The following DMGDH variants were observed in gnomAD, a reference collection of about 807,000 sequenced individuals.
DMGDH encodes dimethylglycine dehydrogenase.
DMGDH carries 76 observed loss-of-function variants against 95.2 expected under a neutral mutation model. The ratio of observed to expected loss-of-function variants is 0.80; its 90% CI spans 0.66 to 0.97. The LOEUF (loss-of-function observed/expected upper bound fraction) is 0.97, where lower values mean the gene tolerates loss of function less well. DMGDH is among the 50% of genes least tolerant of loss of function. DMGDH has a pLI of 0.00. For synonymous variants in DMGDH, 345 were observed against 377.6 expected, an observed-to-expected ratio of 0.91 and a Z score of 1.00; for missense variants, 987 against 1,055.0, an observed-to-expected ratio of 0.94 and a Z score of 0.89.
intron 15 of DMGDH, among the ~76,000 whole-genome samples, chr5:79,002,329 G>A (rs923230940): frequency 6.6e-6 from 1 of 152,052 alleles, no homozygotes; most frequent in Admixed American, 6.6e-5. Flanking sequence ...TAATAACTGA[G>A]CCACCGAATA....
chr5:79,002,831 T>C (rs1172441519), intron 15 of DMGDH, among the ~76,000 whole-genome samples: 2 of 152,190 alleles, frequency 1.3e-5, no homozygotes, highest in African/African-American at 4.8e-5. Context: ...AGACTATCTG[T>C]ATGTAAAATG....
chr5:79,058,070 A>T (rs1432585544), intron 2 of DMGDH, among the ~76,000 whole-genome samples: 3 of 152,214 alleles, frequency 2.0e-5, no homozygotes, highest in Admixed American at 1.3e-4. Context: ...GTAACAAATT[A>T]TTTTAGAAAT....
chr5:79,035,764 T>C (rs1489856228), intron 7 of DMGDH, among the ~76,000 whole-genome samples: 3 of 152,122 alleles, frequency 2.0e-5, no homozygotes, highest in African/African-American at 7.2e-5. Context: ...CTGAATCAAA[T>C]CTAATTTATT....
At chr5:79,046,441 G>A (rs1754677363) in intron 5 of DMGDH, among the ~76,000 whole-genome samples, 1 of 152,004 alleles carries the variant, frequency 6.6e-6, no homozygotes, top group Non-Finnish European at 1.5e-5. Flanking sequence ...GTAATGGAGT[G>A]TAGTGGCGCA....
intron 14 of DMGDH, among the ~76,000 whole-genome samples, chr5:79,017,013 C>T (rs1342147315): frequency 6.6e-6 from 1 of 152,008 alleles, no homozygotes; most frequent in African/African-American, 2.4e-5. Context: ...AAACTTCAGT[C>T]CATACCTCAT....
chr5:79,034,761 TAA>T (rs919796529), intron 7 of DMGDH, among the ~76,000 whole-genome samples: 19 of 152,182 alleles, frequency 1.2e-4, no homozygotes, highest in Non-Finnish European at 2.2e-4. Context: ...CTACATTTTA[TAA>T]AAGACTTTCT....
At chr5:79,007,973 C>T (rs1753579978) in intron 14 of DMGDH, among the ~76,000 whole-genome samples, 1 of 152,024 alleles carries the variant, frequency 6.6e-6, no homozygotes, top group African/African-American at 2.4e-5. Flanking sequence ...AATGTTTTTC[C>T]TCAATGTTTT....
intron 14 of DMGDH, among the ~76,000 whole-genome samples, chr5:79,007,523 C>T (rs565242371): frequency 2.6e-4 from 40 of 152,074 alleles, no homozygotes; most frequent in Non-Finnish European, 5.1e-4. Context: ...AAAAAGGAGA[C>T]TTGCAATCAT....
chr5:79,030,480 G>T, intron 10 of DMGDH: 1 of 277,366 alleles, frequency 3.6e-6, no homozygotes. Flanking sequence ...CCCTGTCTCT[G>T]CTAAAGAATA....
At chr5:79,013,346 T>G (rs1408356599) in intron 14 of DMGDH, among the ~76,000 whole-genome samples, 1 of 152,208 alleles carries the variant, frequency 6.6e-6, no homozygotes, top group Non-Finnish European at 1.5e-5. Flanking sequence ...TTCATTTCCA[T>G]CTGAGACCTC....
At position 79,030,036 on chromosome 5, in the gene DMGDH, T is replaced by G. The variant is rs1245162995; in HGVS notation, c.1684-2A>C. On this transcript the variant is annotated splice_acceptor_variant, in intron 10 of 15. Transcript: ENST00000255189. LOFTEE classifies it high-confidence loss of function. ...GTGACTTATATTTGTAAAACCCACC[T>G]ACATAAAAAAATTAAAAATTACCTT... 1 of 1,611,058 alleles carries G rather than the reference T, an allele frequency of 6.2e-7. No homozygotes were observed. The highest frequency in any genetic ancestry group is 1.1e-5 in the South Asian group (1 of 90,120).
chr5:79,048,547 C>G (rs1754746319), intron 5 of DMGDH, among the ~76,000 whole-genome samples: 2 of 152,134 alleles, frequency 1.3e-5, no homozygotes, highest in South Asian at 4.1e-4. Context: ...CTGTGGGAAA[C>G]ATTCCACCAG....
intron 7 of DMGDH, among the ~76,000 whole-genome samples, chr5:79,039,401 T>C (rs1304170488): frequency 6.6e-6 from 1 of 151,992 alleles, no homozygotes; most frequent in Non-Finnish European, 1.5e-5. Flanking sequence ...GTTCATGTCC[T>C]TTGTAGGGAC....
intron 2 of DMGDH, among the ~76,000 whole-genome samples, chr5:79,062,347 C>T (rs914289940): frequency 1.3e-5 from 2 of 150,906 alleles, no homozygotes; most frequent in African/African-American, 4.9e-5. Flanking sequence ...CAGCACTCTC[C>T]CCCAGATTCA....
chr5:79,035,367 G>A (rs980828701), intron 7 of DMGDH, among the ~76,000 whole-genome samples: 14 of 152,100 alleles, frequency 9.2e-5, no homozygotes, highest in Non-Finnish European at 1.6e-4. Context: ...CATAGTTTCC[G>A]TCTAACACAT....
Position 79,027,335 on chromosome 5 carries a change from T to C in DMGDH, c.2033-754A>G, listed in dbSNP as rs141449030. Among the ~76,000 whole-genome samples the C allele has an allele frequency of 4.7e-4, 72 of 152,248 alleles. 1 individual carries two copies. Among genetic ancestry groups the C allele is most frequent in the African/African-American group, 1.7e-3 (72 of 41,548 alleles). The stretch of plus-strand genomic sequence containing the variant: ...CCACTGCATCCAGCCCTGCTCATTT[T>C]TTATTCTAGAATTTGCCAACGTTGG... On this transcript the variant is annotated intron_variant, in intron 12 of 15. Transcript: ENST00000255189.
chr5:79,014,382 A>G (rs377318407), intron 14 of DMGDH, among the ~76,000 whole-genome samples: 1 of 152,218 alleles, frequency 6.6e-6, no homozygotes, highest in Non-Finnish European at 1.5e-5. Context: ...TATCAGATTT[A>G]TGTTTAACTG....
At chr5:79,060,975 A>G (rs1755190124) in intron 2 of DMGDH, among the ~76,000 whole-genome samples, 1 of 151,616 alleles carries the variant, frequency 6.6e-6, no homozygotes, top group South Asian at 2.1e-4. Flanking sequence ...TAATCCCAGC[A>G]CTTTGGGAGG....
intron 1 of DMGDH, among the ~76,000 whole-genome samples, chr5:79,066,446 C>G (rs956450857): frequency 1.3e-5 from 2 of 151,438 alleles, no homozygotes; most frequent in Non-Finnish European, 2.9e-5. Flanking sequence ...CCACCACGCC[C>G]GGCTAATTTT....
Sources: gnomAD v4.1 joint callset for allele counts (sites outside exome capture counted in the v4.1 genomes callset) on GRCh38, gnomAD v4.1.1 for gene constraint, MANE v1.5 for transcripts, NCBI Gene and HGNC (gene_info 2026-07-23, HGNC 2026-07-21) for gene names.